The following DOCK3 variants were observed in gnomAD, a reference collection of about 807,000 sequenced individuals.
DOCK3 encodes dedicator of cytokinesis protein 3.
A neutral mutation model predicts 265.6 loss-of-function variants in DOCK3; 60 were observed. The ratio of observed to expected loss-of-function variants is 0.23; its 90% CI spans 0.18 to 0.28. DOCK3 has a LOEUF of 0.28. Among genes scored for constraint, DOCK3 ranks in the 10% least tolerant of loss-of-function variants. The pLI, the probability that DOCK3 is intolerant of heterozygous loss-of-function variation, is 1.00. For missense variants in DOCK3, 1,981 were observed against 2,594.3 expected (o/e 0.76, Z 5.14); for synonymous variants, 881 against 938.0 (o/e 0.94, Z 1.11).
chr3:51,123,129 C>T (rs1379624852), intron 9 of DOCK3, among the ~76,000 whole-genome samples: 3 of 152,276 alleles, frequency 2.0e-5, no homozygotes, highest in Non-Finnish European at 4.4e-5. Flanking sequence ...ATAACCAGTC[C>T]GTAGCTTCAT....
At chr3:51,089,746 A>T (rs1211038983) in intron 8 of DOCK3, among the ~76,000 whole-genome samples, 2 of 151,632 alleles carry the variant, frequency 1.3e-5, no homozygotes, top group African/African-American at 4.8e-5. Context: ...TACTAAAAAT[A>T]AAAAAATTAG....
intron 22 of DOCK3, among the ~76,000 whole-genome samples, chr3:51,252,754 G>A (rs1442388483): frequency 7.2e-5 from 11 of 152,194 alleles, no homozygotes; most frequent in Non-Finnish European, 1.6e-4. Context: ...AGCTTAAGTA[G>A]ATTTTGGGCT....
chr3:50,701,065 C>T (rs538781964), intron 1 of DOCK3, among the ~76,000 whole-genome samples: 42 of 151,308 alleles, frequency 2.8e-4, no homozygotes, highest in African/African-American at 7.0e-4. Flanking sequence ...TTTTTTCATA[C>T]GCCAACTGGC....
At chr3:50,821,301 T>C (rs1217425816) in intron 2 of DOCK3, among the ~76,000 whole-genome samples, 1 of 151,920 alleles carries the variant, frequency 6.6e-6, no homozygotes, top group Non-Finnish European at 1.5e-5. Flanking sequence ...TCTAGGATTT[T>C]TTTTTCTTTT....
intron 1 of DOCK3, among the ~76,000 whole-genome samples, chr3:50,733,436 T>C (rs1459640548): frequency 6.6e-6 from 1 of 152,234 alleles, no homozygotes; most frequent in Non-Finnish European, 1.5e-5. Flanking sequence ...ACTACTGTTA[T>C]ATTCCCTTCA....
intron 2 of DOCK3, among the ~76,000 whole-genome samples, chr3:50,806,317 G>C (rs1435453280): frequency 6.6e-6 from 1 of 152,020 alleles, no homozygotes; most frequent in East Asian, 1.9e-4. Flanking sequence ...CAAGAGTTGA[G>C]CTCTTTGCTG....
intron 27 of DOCK3, among the ~76,000 whole-genome samples, chr3:51,308,993 G>C (rs1290134413): frequency 2.7e-5 from 4 of 150,652 alleles, no homozygotes; most frequent in Non-Finnish European, 5.9e-5. Context: ...ACGGGGCGGC[G>C]GGGCAGAGGC....
chr3:51,368,632 G>A (rs550219406), intron 49 of DOCK3, among the ~76,000 whole-genome samples: 3 of 152,334 alleles, frequency 2.0e-5, no homozygotes, highest in African/African-American at 7.2e-5. Flanking sequence ...CTGGGGGCAG[G>A]GCATAGCTGA....
chr3:50,810,730 A>G (rs1196694294), intron 2 of DOCK3, among the ~76,000 whole-genome samples: 1 of 152,222 alleles, frequency 6.6e-6, no homozygotes, highest in African/African-American at 2.4e-5. Context: ...AGAATTTTAC[A>G]GTCCATATTG....
intron 19 of DOCK3, among the ~76,000 whole-genome samples, chr3:51,231,264 T>C (rs942456965): frequency 6.6e-6 from 1 of 150,824 alleles, no homozygotes; most frequent in Non-Finnish European, 1.5e-5. Flanking sequence ...AAGTAGCTGG[T>C]ATTACAGGCA....
intron 10 of DOCK3, among the ~76,000 whole-genome samples, chr3:51,156,002 T>C (rs1241654893): frequency 1.3e-5 from 2 of 152,212 alleles, no homozygotes; most frequent in Non-Finnish European, 2.9e-5. Context: ...GTTGTCATTT[T>C]ATTTTATATA....
intron 9 of DOCK3, among the ~76,000 whole-genome samples, chr3:51,141,292 C>T (rs1247197855): frequency 2.4e-5 from 2 of 83,722 alleles, no homozygotes; most frequent in African/African-American, 5.2e-5. Flanking sequence ...ACATAATTTC[C>T]TGGAGAGTTT....
chr3:51,350,211 G>A, intron 39 of DOCK3, 77 bp from the exon 40 acceptor site: 1 of 1,275,812 alleles, frequency 7.8e-7, no homozygotes, highest in Non-Finnish European at 1.1e-6. Context: ...AGAAGACAGT[G>A]TCCAGTTGGG....
At chr3:50,797,593 A>G (rs1164094532) in intron 2 of DOCK3, among the ~76,000 whole-genome samples, 2 of 151,980 alleles carry the variant, frequency 1.3e-5, no homozygotes, top group African/African-American at 4.8e-5. Flanking sequence ...TTTTTGAGGC[A>G]CCTCCGTACT....
chr3:50,678,667 G>T (rs1270000486), intron 1 of DOCK3, among the ~76,000 whole-genome samples: 1 of 151,960 alleles, frequency 6.6e-6, no homozygotes. Context: ...GAGAGGTGGG[G>T]TCCTGCTCTT....
chr3:51,056,642 G>C (rs149334924), intron 5 of DOCK3, among the ~76,000 whole-genome samples: 3 of 152,254 alleles, frequency 2.0e-5, no homozygotes, highest in African/African-American at 7.2e-5. Context: ...TGGAATATAA[G>C]AAAACATCTA....
chr3:51,271,032 CTCCT>C (rs1229858268), intron 24 of DOCK3, 25 bp downstream of exon 24: 3 of 1,599,114 alleles, frequency 1.9e-6, no homozygotes, highest in Non-Finnish European at 2.6e-6. Flanking sequence ...GATGAGAGTC[CTCCT>C]TCCTTCCAGG....
chr3:51,118,492 A>G (rs2083855842), intron 9 of DOCK3, among the ~76,000 whole-genome samples: 1 of 152,178 alleles, frequency 6.6e-6, no homozygotes, highest in South Asian at 2.1e-4. Flanking sequence ...TCCAGAGCTG[A>G]ATTCAAGTCC....
intron 4 of DOCK3, among the ~76,000 whole-genome samples, chr3:50,917,961 C>G (rs879780321): frequency 6.6e-6 from 1 of 152,004 alleles, no homozygotes; most frequent in African/African-American, 2.4e-5. Flanking sequence ...ACCCTGTGTC[C>G]AGGTGTTCTC....
Sources: allele counts gnomAD v4.1 joint callset (sites outside exome capture counted in the v4.1 genomes callset), GRCh38; gene constraint gnomAD v4.1.1; transcripts MANE v1.5; gene names NCBI Gene and HGNC (gene_info 2026-07-23, HGNC 2026-07-21).